KDM4C: variants seen among roughly 807,000 people sequenced by gnomAD.
KDM4C encodes the protein lysine demethylase 4C.
KDM4C carries 81 observed loss-of-function variants against 129.3 expected under a neutral mutation model. The ratio of observed to expected loss-of-function variants is 0.63; its 90% CI spans 0.52 to 0.75. KDM4C has a LOEUF of 0.75. Among genes scored for constraint, KDM4C ranks in the 30% least tolerant of loss-of-function variants. The pLI, the probability that KDM4C is intolerant of heterozygous loss-of-function variation, is 0.00. For missense variants in KDM4C, 1,457 were observed against 1,304.0 expected, an observed-to-expected ratio of 1.12 and a Z score of -1.81; for synonymous variants, 573 against 456.1, an observed-to-expected ratio of 1.26 and a Z score of -3.26.
intron 6 of KDM4C, among the ~76,000 whole-genome samples, chr9:6,881,028 C>G (rs1360400409): frequency 6.6e-6 from 1 of 152,182 alleles, no homozygotes; most frequent in Non-Finnish European, 1.5e-5. Flanking sequence ...GAGCAGTGCT[C>G]TTTTAGTCCA....
intron 14 of KDM4C, among the ~76,000 whole-genome samples, chr9:7,014,806 C>T (rs1269043016): frequency 6.6e-6 from 1 of 151,914 alleles, no homozygotes; most frequent in Non-Finnish European, 1.5e-5. Context: ...GCTTCCTCAT[C>T]TATCATTTAT....
chr9:6,857,328 A>G (rs1447780229), intron 5 of KDM4C, among the ~76,000 whole-genome samples: 2 of 152,366 alleles, frequency 1.3e-5, no homozygotes, highest in Non-Finnish European at 2.9e-5. Flanking sequence ...TGCTAATAAA[A>G]TTTAAAAAGT....
chr9:6,745,248 A>C (rs1037827499), intron 1 of KDM4C, among the ~76,000 whole-genome samples: 2 of 152,052 alleles, frequency 1.3e-5, no homozygotes, highest in African/African-American at 4.8e-5. Flanking sequence ...AAACCTTCTT[A>C]ATGTTGAAAA....
At chr9:7,150,464 T>C (rs1465878370) in intron 19 of KDM4C, among the ~76,000 whole-genome samples, 1 of 152,208 alleles carries the variant, frequency 6.6e-6, no homozygotes, top group East Asian at 1.9e-4. Flanking sequence ...ATTGCAGATA[T>C]TCATGTGTGT....
rs536640425 is a variant in KDM4C at position 6,982,961 on chromosome 9, T to C, written c.1116-1205T>C. On this transcript the variant is annotated intron_variant, in intron 9 of 21. Transcript: ENST00000381309. ...GAGATTATTGATCTCCCTTTGGAAA[T>C]AGCCCATTTAGGGAAGTCTGATGAA... Among the ~76,000 whole-genome samples the C allele has an allele frequency of 5.9e-5, 9 of 152,334 alleles. No homozygotes were observed. The East Asian group carries it at 1.3e-3, about 23-fold the overall frequency.
chr9:6,836,815 T>C (rs1403329119), intron 4 of KDM4C, among the ~76,000 whole-genome samples: 1 of 152,224 alleles, frequency 6.6e-6, no homozygotes, highest in East Asian at 1.9e-4. Flanking sequence ...TATTCTACTT[T>C]GTGAATTTAC....
intron 4 of KDM4C, among the ~76,000 whole-genome samples, chr9:6,823,400 C>T (rs1324587239): frequency 6.6e-6 from 1 of 152,188 alleles, no homozygotes; most frequent in African/African-American, 2.4e-5. Flanking sequence ...GATAGCATTT[C>T]ATAAAGACTG....
At chr9:6,906,085 T>C (rs1215215322) in intron 8 of KDM4C, among the ~76,000 whole-genome samples, 1 of 151,728 alleles carries the variant, frequency 6.6e-6, no homozygotes, top group Non-Finnish European at 1.5e-5. Flanking sequence ...CAAAGAAACA[T>C]TTTGAGGTTG....
intron 5 of KDM4C, among the ~76,000 whole-genome samples, chr9:6,866,195 T>G (rs1158619734): frequency 6.6e-6 from 1 of 152,138 alleles, no homozygotes; most frequent in Non-Finnish European, 1.5e-5. Flanking sequence ...TTTTTTTTTT[T>G]TGGTTACTAT....
chr9:6,924,694 G>T, intron 8 of KDM4C: 2 of 872,704 alleles, frequency 2.3e-6, no homozygotes, highest in Non-Finnish European at 2.8e-6. Context: ...GGGTACCGAT[G>T]CATAATGTGT....
intron 15 of KDM4C, among the ~76,000 whole-genome samples, chr9:7,046,230 A>C (rs1447558073): frequency 6.6e-6 from 1 of 152,002 alleles, no homozygotes; most frequent in Admixed American, 6.6e-5. Context: ...AAGAGTGCTG[A>C]AAGGTTAAGC....
At chr9:7,071,643 A>G (rs969711506) in intron 17 of KDM4C, among the ~76,000 whole-genome samples, 4 of 152,218 alleles carry the variant, frequency 2.6e-5, no homozygotes, top group Non-Finnish European at 4.4e-5. Flanking sequence ...ATAAACAAAC[A>G]TCAAACCAGA....
At chr9:7,173,271 A>G (rs550470359) in intron 21 of KDM4C, among the ~76,000 whole-genome samples, 44 of 152,346 alleles carry the variant, frequency 2.9e-4, no homozygotes, top group Middle Eastern at 3.4e-3. Context: ...TAACTTTCAC[A>G]GAAATGAAAC....
intron 1 of KDM4C, among the ~76,000 whole-genome samples, chr9:6,777,970 G>C (rs542844123): frequency 4.0e-4 from 61 of 150,838 alleles, no homozygotes; most frequent in Admixed American, 3.9e-3. Context: ...TCCCAGCCTG[G>C]AGTGCAGTGG....
chr9:6,914,014 G>A (rs998681266), intron 8 of KDM4C, among the ~76,000 whole-genome samples: 1 of 152,178 alleles, frequency 6.6e-6, no homozygotes, highest in Non-Finnish European at 1.5e-5. Context: ...CTTGTTTGCA[G>A]TTGAAAGCCT....
At chr9:6,853,247 G>A (rs1839178923) in intron 5 of KDM4C, among the ~76,000 whole-genome samples, 1 of 152,092 alleles carries the variant, frequency 6.6e-6, no homozygotes, top group Admixed American at 6.5e-5. Flanking sequence ...CAGCACTTTG[G>A]GAGGCCAAGG....
intron 21 of KDM4C, among the ~76,000 whole-genome samples, chr9:7,172,531 C>T (rs1190514598): frequency 6.6e-6 from 1 of 152,162 alleles, no homozygotes; most frequent in South Asian, 2.1e-4. Context: ...AGTATTTTGC[C>T]AAGAATGAAT....
At chr9:6,851,234 C>T (rs909270436) in intron 5 of KDM4C, among the ~76,000 whole-genome samples, 3 of 152,210 alleles carry the variant, frequency 2.0e-5, no homozygotes, top group Non-Finnish European at 4.4e-5. Flanking sequence ...CTGCCTCAAC[C>T]TCCCAAAGTG....
chr9:6,934,367 C>A (rs1371783865), intron 8 of KDM4C, among the ~76,000 whole-genome samples: 1 of 151,034 alleles, frequency 6.6e-6, no homozygotes, highest in Non-Finnish European at 1.5e-5. Context: ...GTAGTCCCAG[C>A]TACTTGGGAG....
Sources: gnomAD v4.1 joint callset for allele counts (sites outside exome capture counted in the v4.1 genomes callset) on GRCh38, gnomAD v4.1.1 for gene constraint, MANE v1.5 for transcripts, NCBI Gene and HGNC (gene_info 2026-07-23, HGNC 2026-07-21) for gene names.